Variants in CSMD1 observed in about 807,000 individuals in gnomAD.
CSMD1 encodes the protein CUB and Sushi multiple domains 1, also known as CUB and sushi domain-containing protein 1.
Under a neutral mutation model 417.5 loss-of-function variants are expected in CSMD1, and 213 were observed. The ratio of observed to expected loss-of-function variants is 0.51; its 90% CI spans 0.46 to 0.57. The LOEUF (loss-of-function observed/expected upper bound fraction) is 0.57, where lower values mean the gene tolerates loss of function less well. CSMD1 is among the 20% of genes least tolerant of loss of function. The probability of loss-of-function intolerance (pLI) is 0.00; values close to 1 mark genes in which losing one functional copy is unlikely to be tolerated. For missense variants in CSMD1, 6,923 were observed against 4,529.7 expected, an observed-to-expected ratio of 1.53 and a Z score of -15.17; for synonymous variants, 2,862 against 1,736.8, an observed-to-expected ratio of 1.65 and a Z score of -16.11.
Position 3,937,259 on chromosome 8 carries a change from G to A in CSMD1, c.818+60644C>T, listed in dbSNP as rs140374558. 1.3e-4 allele frequency among the ~76,000 whole-genome samples: 19 copies of A among 151,878 alleles called. 1 individual carries two copies. In the East Asian group the frequency reaches 1.9e-3, roughly 15 times the overall value. ...ACTCAGTTAATAAAGCAGCAGCAGG[G>A]TTAGAGAAGACTGACTGAATTTTGA... On this transcript the variant is annotated intron_variant, in intron 5 of 69. Coordinates refer to ENST00000635120, the MANE Select transcript of CSMD1 (RefSeq NM_033225.6).
intron 5 of CSMD1, among the ~76,000 whole-genome samples, chr8:3,758,827 G>C (rs950674913): frequency 7.2e-5 from 11 of 152,132 alleles, no homozygotes; most frequent in Admixed American, 1.3e-4. Context: ...ACTGAGCTTG[G>C]GATGGGGAGA....
chr8:3,385,122 TATATAA>T (rs1179995240), intron 18 of CSMD1, among the ~76,000 whole-genome samples: 67 of 36,554 alleles, frequency 1.8e-3, no homozygotes, highest in Admixed American at 3.8e-3. Flanking sequence ...ATATATATAA[TATATAA>T]ATATATAATA....
At position 3,998,016 on chromosome 8, in the gene CSMD1, G is replaced by A. The variant is rs372625151; in HGVS notation, c.705C>T (p.Thr235=). ...CCCCGGGCTCAGCCAGAATGGTCCA[G>A]GTGCAGTCCGCGTTGTTCTCGTACT... The part of the protein sequence containing the change: ...PSEYENNADC[T]WTILAEPGDT... The change falls in exon 5 of 70, where the codon ACC becomes ACT. Residue 235 remains threonine (T), a synonymous_variant. Transcript: ENST00000635120. 1.5e-5 allele frequency: 24 copies of A among 1,608,058 alleles called. No homozygotes were observed. Among genetic ancestry groups the A allele is most frequent in the East Asian group, 6.7e-5 (3 of 44,684 alleles).
At chr8:3,672,841 G>C (rs1799149045) in intron 7 of CSMD1, among the ~76,000 whole-genome samples, 1 of 152,228 alleles carries the variant, frequency 6.6e-6, no homozygotes, top group Middle Eastern at 3.4e-3. Flanking sequence ...CAATAGACTT[G>C]GAGACGCAGC....
At chr8:3,513,169 G>C (rs904838211) in intron 10 of CSMD1, among the ~76,000 whole-genome samples, 2 of 151,308 alleles carry the variant, frequency 1.3e-5, no homozygotes, top group Non-Finnish European at 2.9e-5. Context: ...ACAATGCCTA[G>C]ACTTTACTCT....
At chr8:3,321,035 G>C (rs951388413) in intron 23 of CSMD1, among the ~76,000 whole-genome samples, 3 of 152,132 alleles carry the variant, frequency 2.0e-5, no homozygotes, top group Non-Finnish European at 2.9e-5. Context: ...GTATTTCCCA[G>C]TTCATCTGAA....
intron 7 of CSMD1, among the ~76,000 whole-genome samples, chr8:3,665,900 T>C (rs2117485836): frequency 6.6e-6 from 1 of 152,160 alleles, no homozygotes; most frequent in South Asian, 2.1e-4. Flanking sequence ...TTTTTTGAGA[T>C]GGAGTCGCAC....
chr8:4,816,202 T>G (rs1002414342), intron 1 of CSMD1, among the ~76,000 whole-genome samples: 12 of 151,982 alleles, frequency 7.9e-5, no homozygotes, highest in East Asian at 3.9e-4. Context: ...GCTTTTTTTT[T>G]GGGACAGAGT....
intron 1 of CSMD1, among the ~76,000 whole-genome samples, chr8:4,648,528 G>C (rs1239619748): frequency 3.9e-5 from 6 of 152,038 alleles, no homozygotes; most frequent in African/African-American, 9.7e-5. Context: ...CCCTCTCTTA[G>C]GGAAATAGTG....
chr8:4,437,922 C>G (rs943494422), intron 2 of CSMD1, among the ~76,000 whole-genome samples: 4 of 152,150 alleles, frequency 2.6e-5, no homozygotes, highest in Admixed American at 6.5e-5. Context: ...GCTTGGACAT[C>G]AACCTGCTTA....
At chr8:4,900,860 C>T (rs983942849) in intron 1 of CSMD1, among the ~76,000 whole-genome samples, 1 of 152,206 alleles carries the variant, frequency 6.6e-6, no homozygotes, top group East Asian at 1.9e-4. Context: ...GTAATGCACA[C>T]TTCCTTCAGT....
chr8:3,298,396 T>A (rs754850815), intron 25 of CSMD1, among the ~76,000 whole-genome samples: 6 of 152,130 alleles, frequency 3.9e-5, no homozygotes, highest in Non-Finnish European at 7.4e-5. Context: ...TCTAACGGTA[T>A]CAATGGGTGT....
intron 3 of CSMD1, among the ~76,000 whole-genome samples, chr8:4,256,929 C>T (rs537297544): frequency 6.6e-6 from 1 of 152,180 alleles, no homozygotes; most frequent in East Asian, 1.9e-4. Context: ...TTTCCTTCCG[C>T]TTTCCCTCCG....
intron 1 of CSMD1, among the ~76,000 whole-genome samples, chr8:4,687,878 C>G (rs1806493288): frequency 6.6e-6 from 1 of 151,872 alleles, no homozygotes; most frequent in Non-Finnish European, 1.5e-5. Context: ...TCCTGCATGC[C>G]TGTGTCAGGA....
intron 7 of CSMD1, among the ~76,000 whole-genome samples, chr8:3,706,699 T>C (rs999770110): frequency 2.8e-4 from 42 of 151,888 alleles, no homozygotes; most frequent in African/African-American, 9.7e-4. Context: ...AATGTAAGAG[T>C]TTGGCCGGAT....
At chr8:4,554,416 C>T (rs1024978404) in intron 2 of CSMD1, among the ~76,000 whole-genome samples, 10 of 152,120 alleles carry the variant, frequency 6.6e-5, no homozygotes, top group African/African-American at 1.2e-4. Flanking sequence ...CGATAACAGG[C>T]GTGAACAGGC....
intron 2 of CSMD1, among the ~76,000 whole-genome samples, chr8:4,542,628 A>C (rs1380525774): frequency 6.6e-6 from 1 of 152,198 alleles, no homozygotes; most frequent in African/African-American, 2.4e-5. Context: ...ACTTTGCTCC[A>C]ATGCAAGAGA....
intron 2 of CSMD1, among the ~76,000 whole-genome samples, chr8:4,579,061 C>T (rs1349190483): frequency 1.3e-5 from 2 of 151,742 alleles, no homozygotes; most frequent in African/African-American, 2.4e-5. Context: ...AGATATCTTT[C>T]TGCAATAAAC....
intron 4 of CSMD1, among the ~76,000 whole-genome samples, chr8:4,012,372 C>G (rs149879723): frequency 1.3e-5 from 2 of 152,264 alleles, no homozygotes; most frequent in East Asian, 1.9e-4. Context: ...TACATTCATT[C>G]ATTGCCTTGT....
Sources: allele counts gnomAD v4.1 joint callset (sites outside exome capture counted in the v4.1 genomes callset), GRCh38; gene constraint gnomAD v4.1.1; transcripts MANE v1.5; gene names NCBI Gene and HGNC (gene_info 2026-07-23, HGNC 2026-07-21).